The following FIG4 variants were observed in gnomAD, a reference collection of about 807,000 sequenced individuals.
The protein encoded by FIG4 is polyphosphoinositide phosphatase.
A neutral mutation model predicts 118.6 loss-of-function variants in FIG4; 112 were observed. The ratio of observed to expected loss-of-function variants is 0.94; its 90% CI spans 0.81 to 1.11. FIG4 has a LOEUF of 1.11. FIG4 is among the 50% of genes least tolerant of loss of function. The probability of loss-of-function intolerance (pLI) is 0.00; values close to 1 mark genes in which losing one functional copy is unlikely to be tolerated. For synonymous variants in FIG4, 369 were observed against 381.2 expected, an observed-to-expected ratio of 0.97 and a Z score of 0.37; for missense variants, 969 against 1,111.7, an observed-to-expected ratio of 0.87 and a Z score of 1.83.
At chr6:109,824,938 C>T (rs756427243) in intron 22 of FIG4, 150 bp from the exon 23 acceptor site, 17 of 709,688 alleles carry the variant, frequency 2.4e-5, no homozygotes, top group Admixed American at 1.5e-4. Context: ...GAACCAGCCT[C>T]GCAAGGACTG....
chr6:109,764,613 C>T (rs1192615502), intron 13 of FIG4, among the ~76,000 whole-genome samples: 1 of 152,038 alleles, frequency 6.6e-6, no homozygotes. Flanking sequence ...GTTAACTATG[C>T]TTTAAGAATG....
intron 22 of FIG4, among the ~76,000 whole-genome samples, chr6:109,809,979 G>T (rs1243590322): frequency 6.6e-6 from 1 of 152,114 alleles, no homozygotes; most frequent in East Asian, 1.9e-4. Flanking sequence ...CCAGTAGGAA[G>T]ATGGCCACAG....
At chr6:109,795,095 GTTTTTTTTTTTTTTTTTTTTTTT>G (rs571649446) in intron 21 of FIG4, among the ~76,000 whole-genome samples, 12 of 57,194 alleles carry the variant, frequency 2.1e-4, no homozygotes, top group South Asian at 1.4e-3. Context: ...ACACTTGCCA[GTTTTTTTTTTTTTTTTTTTTTTT>G]TTTTTTTTTT....
At chr6:109,802,809 T>C (rs1168303699) in intron 22 of FIG4, among the ~76,000 whole-genome samples, 1 of 152,204 alleles carries the variant, frequency 6.6e-6, no homozygotes, top group African/African-American at 2.4e-5. Context: ...AAAATAGGCT[T>C]CCATTATTTC....
chr6:109,777,137 A>C (rs1777644910), intron 16 of FIG4, 77 bp downstream of exon 16: 3 of 1,366,652 alleles, frequency 2.2e-6, no homozygotes, highest in Non-Finnish European at 3.1e-6. Context: ...CATTTTGAGA[A>C]ATCATAGGCT....
At chr6:109,708,247 T>C (rs951953265) in intron 1 of FIG4, among the ~76,000 whole-genome samples, 19 of 152,228 alleles carry the variant, frequency 1.2e-4, no homozygotes, top group African/African-American at 4.1e-4. Flanking sequence ...TTTTTGTTTT[T>C]GCATTCGTTT....
chr6:109,693,849 C>T (rs1049416582), intron 1 of FIG4, among the ~76,000 whole-genome samples: 4 of 151,118 alleles, frequency 2.6e-5, no homozygotes, highest in African/African-American at 9.7e-5. Context: ...CACTGAGTCT[C>T]GGTTTTGTTA....
chr6:109,739,889 T>G (rs1277839301), intron 7 of FIG4, among the ~76,000 whole-genome samples: 2 of 152,164 alleles, frequency 1.3e-5, no homozygotes, highest in African/African-American at 4.8e-5. Flanking sequence ...AGGTTAGCCT[T>G]GAAGAGCAGC....
chr6:109,788,848 A>T (rs1778059486), intron 18 of FIG4, among the ~76,000 whole-genome samples: 1 of 152,256 alleles, frequency 6.6e-6, no homozygotes, highest in Non-Finnish European at 1.5e-5. Context: ...CTTATCCATC[A>T]GAAATCCTGG....
chr6:109,799,822 T>TAA (rs1778382663), intron 22 of FIG4, among the ~76,000 whole-genome samples: 1 of 152,160 alleles, frequency 6.6e-6, no homozygotes, highest in Non-Finnish European at 1.5e-5. Context: ...AAGTGGATGT[T>TAA]AAACCCCAAA....
chr6:109,755,243 G>A (rs1239150793), intron 10 of FIG4, among the ~76,000 whole-genome samples: 5 of 152,086 alleles, frequency 3.3e-5, no homozygotes, highest in East Asian at 1.9e-4. Flanking sequence ...GTAGTTGAGC[G>A]GTTTTGAGTG....
intron 22 of FIG4, among the ~76,000 whole-genome samples, chr6:109,808,350 C>CAAAAAAAAAAAA (rs55948419): frequency 1.3e-4 from 9 of 67,038 alleles, no homozygotes; most frequent in Admixed American, 1.9e-4. Context: ...ACACTCACAG[C>CAAAAAAAAAAAA]AAAAAAAAAA....
intron 10 of FIG4, among the ~76,000 whole-genome samples, chr6:109,754,726 G>A (rs1460994601): frequency 9.2e-5 from 14 of 152,062 alleles, no homozygotes; most frequent in East Asian, 1.9e-4. Context: ...GTTTATTTGC[G>A]TAGAGGTGTT....
chr6:109,759,199 C>T (rs373540358), intron 10 of FIG4, among the ~76,000 whole-genome samples: 3 of 152,198 alleles, frequency 2.0e-5, no homozygotes, highest in East Asian at 1.9e-4. Context: ...ACCAACCCAA[C>T]GGCCCATCAA....
chr6:109,800,642 C>G (rs1004715044), intron 22 of FIG4, among the ~76,000 whole-genome samples: 2 of 152,164 alleles, frequency 1.3e-5, no homozygotes, highest in African/African-American at 2.4e-5. Flanking sequence ...TGCACTGACT[C>G]TCATCCCCCA....
intron 22 of FIG4, 138 bp from the exon 23 acceptor site, chr6:109,824,950 G>A (rs1024393315): frequency 7.8e-6 from 6 of 769,860 alleles, no homozygotes; most frequent in Non-Finnish European, 1.4e-5. Flanking sequence ...CAAGGACTGG[G>A]GAGGTCATCC....
intron 3 of FIG4, among the ~76,000 whole-genome samples, chr6:109,726,814 GT>G: frequency 6.6e-6 from 1 of 152,158 alleles, no homozygotes; most frequent in South Asian, 2.1e-4. Flanking sequence ...CCTTTAAGAG[GT>G]CTTTCACGTG....
At chr6:109,825,022 A>G (rs1779116886) in intron 22 of FIG4, 66 bp from the exon 23 acceptor site, 2 of 1,473,554 alleles carry the variant, frequency 1.4e-6, no homozygotes, top group African/African-American at 2.8e-5. Flanking sequence ...TGCTTCTGAG[A>G]CTGCTCCCTG....
At chr6:109,769,474 C>A (rs1777392698) in intron 15 of FIG4, among the ~76,000 whole-genome samples, 1 of 152,032 alleles carries the variant, frequency 6.6e-6, no homozygotes, top group Admixed American at 6.6e-5. Context: ...TTGGGGTGTA[C>A]AACTTATTTT....
Sources: allele counts gnomAD v4.1 joint callset (sites outside exome capture counted in the v4.1 genomes callset), GRCh38; gene constraint gnomAD v4.1.1; transcripts MANE v1.5; gene names NCBI Gene and HGNC (gene_info 2026-07-23, HGNC 2026-07-21).